The following ENTPD5 variants were observed in gnomAD, a reference collection of about 807,000 sequenced individuals.
ENTPD5 encodes ectonucleoside triphosphate diphosphohydrolase 5 (inactive).
In ENTPD5, 49 loss-of-function variants were observed where a neutral mutation model predicts 60.2. The observed-to-expected ratio is 0.81, with a 90% CI of 0.65 to 1.03. The LOEUF (loss-of-function observed/expected upper bound fraction) is 1.03, where lower values mean the gene tolerates loss of function less well. Ranked by LOEUF, ENTPD5 falls within the 50% of genes least tolerant of loss-of-function variation. The pLI is 0.00. For synonymous variants in ENTPD5, 187 were observed against 185.4 expected (o/e 1.01, Z -0.07); for missense variants, 480 against 507.6 (o/e 0.95, Z 0.52).
chr14:73,984,559 T>G (rs1446281849), intron 5 of ENTPD5, among the ~76,000 whole-genome samples: 1 of 152,184 alleles, frequency 6.6e-6, no homozygotes, highest in Non-Finnish European at 1.5e-5. Context: ...CTGAATGAAC[T>G]TCTATTCTGA....
chr14:73,989,791 C>A (rs2058059164), intron 3 of ENTPD5, among the ~76,000 whole-genome samples: 2 of 145,510 alleles, frequency 1.4e-5, no homozygotes, highest in African/African-American at 5.2e-5. Context: ...CGAGATCGTG[C>A]CACTGCACTC....
At chr14:74,009,604 C>T (rs923188927) in intron 3 of ENTPD5, among the ~76,000 whole-genome samples, 12 of 151,910 alleles carry the variant, frequency 7.9e-5, no homozygotes, top group African/African-American at 2.9e-4. Context: ...TTCTAAATAC[C>T]AAAAAAACTT....
rs73301429 is a variant in ENTPD5 at position 73,963,436 on chromosome 14, G to A, written c.*3492C>T. ...GCTGTTTAAATGTTAACATCAGAAT[G>A]CAAATTAAATATAAATTGCTTTAAC... On this transcript the variant is annotated 3_prime_UTR_variant, in exon 16 of 16. Transcript: ENST00000334696. The A allele has an allele frequency of 2.8e-3, 631 of 227,698 alleles. 1 individual carries two copies. The highest frequency in any genetic ancestry group is 0.013 in the African/African-American group (570 of 43,580). 14.1% of individuals were successfully genotyped at this position (227,698 alleles called of 1,614,324 possible). A position where few individuals can be genotyped will look rare whatever the true frequency, so the allele number is the denominator to read the frequency against.
chr14:73,971,879 C>T lies in ENTPD5; in HGVS notation c.1057G>A (p.Glu353Lys), dbSNP rs2057241215. 1.9e-6 allele frequency: 3 copies of T among 1,606,868 alleles called. No homozygotes were observed. In the East Asian group the frequency reaches 6.7e-5, roughly 36 times the overall value. ...DYEKGGILKV[E>K]DFERKAREVC... ...TCCCTGGCTTTTCTTTCAAAATCTT[C>T]AACTTTTAAAATACCCCCCTTTTCA... is the stretch of plus-strand genomic sequence containing the variant. Residue 353 changes from glutamate (E) to lysine (K), a missense_variant, in exon 14 of 16, where the codon GAA becomes AAA. Coordinates refer to ENST00000334696, the MANE Select transcript of ENTPD5 (RefSeq NM_001249.5).
intron 3 of ENTPD5, among the ~76,000 whole-genome samples, chr14:74,003,009 TC>T (rs1555366236): frequency 4.6e-5 from 7 of 152,152 alleles, no homozygotes; most frequent in Non-Finnish European, 1.5e-5. Context: ...GAAATTCTTT[TC>T]CTATATATCC....
chr14:73,958,621 C>G (rs1161649423), downstream of ENTPD5: 1 of 1,289,632 alleles, frequency 7.8e-7, no homozygotes, highest in African/African-American at 1.5e-5. Context: ...ACAAGCTTCC[C>G]TTTTTGCATG....
At chr14:74,008,032 C>G (rs2058734427) in intron 3 of ENTPD5, among the ~76,000 whole-genome samples, 1 of 151,806 alleles carries the variant, frequency 6.6e-6, no homozygotes, top group Non-Finnish European at 1.5e-5. Context: ...TGGGGTTTCA[C>G]TATGTTGGCC....
At chr14:73,974,036 C>T (rs2057338561) in intron 11 of ENTPD5, 58 bp from the exon 12 acceptor site, 1 of 1,454,372 alleles carries the variant, frequency 6.9e-7, no homozygotes, top group African/African-American at 1.4e-5. Flanking sequence ...GGGAGGAAGG[C>T]AAGCAAGAAG....
chr14:73,993,987 A>G (rs1013045892), intron 3 of ENTPD5, among the ~76,000 whole-genome samples: 5 of 152,176 alleles, frequency 3.3e-5, no homozygotes, highest in African/African-American at 1.2e-4. Context: ...AAACCAAACA[A>G]TAGATTTTAG....
chr14:73,996,260 A>G, intron 3 of ENTPD5: 1 of 877,696 alleles, frequency 1.1e-6, no homozygotes, highest in South Asian at 5.3e-5. Flanking sequence ...CATTTTGCTA[A>G]CTCACTCCCT....
intron 14 of ENTPD5, 24 bp from the exon 15 acceptor site, chr14:73,970,149 A>G: frequency 6.4e-7 from 1 of 1,554,584 alleles, no homozygotes; most frequent in Non-Finnish European, 8.9e-7. Flanking sequence ...TAAACAGTGG[A>G]GCTCAAGTTT....
At chr14:74,012,636 G>A (rs138988629) in intron 2 of ENTPD5, among the ~76,000 whole-genome samples, 1 of 152,270 alleles carries the variant, frequency 6.6e-6, no homozygotes, top group East Asian at 1.9e-4. Context: ...AAAGGAACCG[G>A]TGGGGATTGC....
intron 5 of ENTPD5, among the ~76,000 whole-genome samples, chr14:73,985,109 T>C (rs890273752): frequency 1.3e-5 from 2 of 152,216 alleles, no homozygotes; most frequent in South Asian, 2.1e-4. Context: ...CCATGGTGTA[T>C]ATGTGCCACA....
At chr14:73,967,786 C>G (rs1196370763) in intron 15 of ENTPD5, among the ~76,000 whole-genome samples, 3 of 109,398 alleles carry the variant, frequency 2.7e-5, no homozygotes, top group African/African-American at 3.6e-5. Flanking sequence ...GGTGACAGAG[C>G]AAGACCCTGT....
In ENTPD5 at chr14:73,973,919, T is replaced by G; in HGVS notation, c.844A>C (p.Ile282Leu). ...TACTGGTATTTCACACCCCCAAAGATCCACTCTGCTTCCAACCATCTCGGT... is the reference window on the plus strand; with the variant it reads ...TACTGGTATTTCACACCCCCAAAGAGCCACTCTGCTTCCAACCATCTCGGT... ...CLPRWLEAEW[I>L]FGGVKYQYGG... The change falls in exon 12 of 16, where the codon ATC becomes CTC. Residue 282 changes from isoleucine to leucine, a missense_variant. By Grantham distance (5) the Ile-to-Leu change is conservative. Transcript: ENST00000334696. 1 of 1,614,094 alleles carries G rather than the reference T, an allele frequency of 6.2e-7. No individual in the cohort carries two copies. The highest frequency in any genetic ancestry group is 8.5e-7 in the Non-Finnish European group (1 of 1,179,986).
chr14:74,004,017 A>G (rs377585583), intron 3 of ENTPD5, among the ~76,000 whole-genome samples: 2 of 152,080 alleles, frequency 1.3e-5, no homozygotes, highest in African/African-American at 4.8e-5. Context: ...AGGCAGAAGG[A>G]TCACTTAAGC....
At chr14:73,983,225 C>G (rs2057764624) in intron 5 of ENTPD5, 64 bp from the exon 6 acceptor site, 9 of 1,508,768 alleles carry the variant, frequency 6.0e-6, no homozygotes, top group Non-Finnish European at 8.1e-6. Context: ...CTGGTCTATT[C>G]TGTCAACATA....
intron 5 of ENTPD5, among the ~76,000 whole-genome samples, chr14:73,984,497 A>C (rs1013425268): frequency 1.3e-5 from 2 of 152,212 alleles, no homozygotes; most frequent in African/African-American, 2.4e-5. Flanking sequence ...GGCACACAGT[A>C]GATGCTCAAT....
intron 14 of ENTPD5, among the ~76,000 whole-genome samples, chr14:73,971,252 G>T (rs1027890343): frequency 6.6e-6 from 1 of 151,734 alleles, no homozygotes; most frequent in Non-Finnish European, 1.5e-5. Context: ...CTGCCTCCCA[G>T]GTTCAAGCGA....
Sources: gnomAD v4.1 joint callset for allele counts (sites outside exome capture counted in the v4.1 genomes callset) on GRCh38, gnomAD v4.1.1 for gene constraint, MANE v1.5 for transcripts, NCBI Gene and HGNC (gene_info 2026-07-23, HGNC 2026-07-21) for gene names.